NT5DC1: variants seen among roughly 807,000 people sequenced by gnomAD.
NT5DC1 encodes the protein 5'-nucleotidase domain containing 1.
A neutral mutation model predicts 59.4 loss-of-function variants in NT5DC1; 42 were observed. The observed-to-expected ratio is 0.71, with a 90% CI of 0.55 to 0.92. The LOEUF (loss-of-function observed/expected upper bound fraction) is 0.92, where lower values mean the gene tolerates loss of function less well. NT5DC1 is among the 40% of genes least tolerant of loss of function. NT5DC1 has a pLI of 0.00. For missense variants in NT5DC1, 501 were observed against 537.1 expected (o/e 0.93, Z 0.66); for synonymous variants, 172 against 188.1 (o/e 0.91, Z 0.70).
chr6:116,153,073 A>G (rs1304952832), intron 6 of NT5DC1, among the ~76,000 whole-genome samples: 1 of 152,018 alleles, frequency 6.6e-6, no homozygotes, highest in African/African-American at 2.4e-5. Flanking sequence ...AGGCTAATAT[A>G]TAACATTTAA....
At chr6:116,211,750 G>A (rs1181862751) in intron 6 of NT5DC1, among the ~76,000 whole-genome samples, 3 of 151,852 alleles carry the variant, frequency 2.0e-5, no homozygotes, top group Admixed American at 1.3e-4. Context: ...GATTTTTCTC[G>A]ACTATAACAA....
chr6:116,121,931 G>C, intron 6 of NT5DC1: 1 of 1,613,466 alleles, frequency 6.2e-7, no homozygotes, highest in Non-Finnish European at 8.5e-7. Flanking sequence ...TGGTGGACCA[G>C]GAGTACCTTG....
intron 6 of NT5DC1, among the ~76,000 whole-genome samples, chr6:116,127,862 G>A (rs930333104): frequency 3.9e-5 from 6 of 152,132 alleles, no homozygotes; most frequent in African/African-American, 9.7e-5. Context: ...ATGCCCCTGT[G>A]TATACCATTT....
At chr6:116,147,551 T>A (rs1779930003) in intron 6 of NT5DC1, among the ~76,000 whole-genome samples, 1 of 152,192 alleles carries the variant, frequency 6.6e-6, no homozygotes, top group African/African-American at 2.4e-5. Context: ...AAGTTCATTT[T>A]AAAAAGTATT....
chr6:116,193,906 A>C (rs1485625571), intron 6 of NT5DC1, among the ~76,000 whole-genome samples: 2 of 151,982 alleles, frequency 1.3e-5, no homozygotes, highest in African/African-American at 4.8e-5. Flanking sequence ...AATACAAAAA[A>C]TACAGAAAGT....
chr6:116,198,373 T>C (rs997503551), intron 6 of NT5DC1, among the ~76,000 whole-genome samples: 3 of 152,076 alleles, frequency 2.0e-5, no homozygotes, highest in Non-Finnish European at 2.9e-5. Flanking sequence ...ACTGTGCTCA[T>C]GCCCTGCTTG....
At chr6:116,127,224 G>C (rs1004583049) in intron 6 of NT5DC1, among the ~76,000 whole-genome samples, 9 of 152,122 alleles carry the variant, frequency 5.9e-5, no homozygotes, top group Admixed American at 5.9e-4. Flanking sequence ...AGTTTGACCA[G>C]TGAATGAACT....
intron 6 of NT5DC1, among the ~76,000 whole-genome samples, chr6:116,185,450 G>A (rs765491183): frequency 2.6e-5 from 4 of 152,066 alleles, no homozygotes; most frequent in Non-Finnish European, 5.9e-5. Context: ...GTCTAATGCT[G>A]TCAGTGGAGT....
chr6:116,175,100 T>A (rs900962607), intron 6 of NT5DC1, among the ~76,000 whole-genome samples: 1 of 152,186 alleles, frequency 6.6e-6, no homozygotes, highest in African/African-American at 2.4e-5. Context: ...TCTTGAGATA[T>A]AATTTATATA....
intron 6 of NT5DC1, among the ~76,000 whole-genome samples, chr6:116,205,247 G>A (rs553599018): frequency 4.5e-4 from 68 of 151,902 alleles, no homozygotes; most frequent in African/African-American, 1.6e-3. Flanking sequence ...AAAATAAGCT[G>A]GGCTGGACAA....
intron 6 of NT5DC1, among the ~76,000 whole-genome samples, chr6:116,182,299 T>C (rs1166604957): frequency 6.6e-6 from 1 of 151,716 alleles, no homozygotes; most frequent in East Asian, 1.9e-4. Flanking sequence ...TGATGAACAT[T>C]TGGGCTGGTT....
In NT5DC1 at chr6:116,120,503, G is replaced by A. The variant is rs968858992; in HGVS notation, c.529+2558G>A. On this transcript the variant is annotated intron_variant, in intron 6 of 11. Transcript: ENST00000319550. The stretch of plus-strand genomic sequence containing the variant: ...TACCCCCTGGTTGGCACTAACAAGA[G>A]GGGTCCCAGAAAGACTGGGCCTTTG... 2.5e-6 allele frequency: 4 copies of A among 1,614,100 alleles called. No homozygotes were observed. In the African/African-American group the frequency reaches 4.0e-5, roughly 16 times the overall value.
intron 6 of NT5DC1, among the ~76,000 whole-genome samples, chr6:116,181,325 A>T (rs1780868927): frequency 6.6e-6 from 1 of 152,080 alleles, no homozygotes; most frequent in Admixed American, 6.6e-5. Context: ...TCTTACAGAA[A>T]TATTAGCAAA....
At chr6:116,157,478 G>A (rs1780226038) in intron 6 of NT5DC1, among the ~76,000 whole-genome samples, 1 of 152,216 alleles carries the variant, frequency 6.6e-6, no homozygotes, top group African/African-American at 2.4e-5. Flanking sequence ...CCAAAAATCA[G>A]TGAAGTCTTA....
intron 1 of NT5DC1, among the ~76,000 whole-genome samples, chr6:116,104,049 T>G (rs1778716879): frequency 6.6e-6 from 1 of 152,144 alleles, no homozygotes; most frequent in Admixed American, 6.5e-5. Context: ...GTATTATTAT[T>G]ACTCCTGAGA....
At chr6:116,160,557 C>T (rs920647964) in intron 6 of NT5DC1, among the ~76,000 whole-genome samples, 1 of 152,064 alleles carries the variant, frequency 6.6e-6, no homozygotes, top group Non-Finnish European at 1.5e-5. Flanking sequence ...AATATTTTCT[C>T]TCATTCTGTA....
In NT5DC1 at chr6:116,120,272, T is replaced by C. The variant is rs760612048; in HGVS notation, c.529+2327T>C. The C allele has an allele frequency of 5.0e-6, 8 of 1,614,244 alleles. No individual in the cohort carries two copies. Among genetic ancestry groups the C allele is most frequent in the Non-Finnish European group, 5.9e-6 (7 of 1,180,044 alleles). ...GTACATTACAGGGGTGCCATTCTTATACAGGCCTACCCAAACATGAGTCCC... is the reference window on the plus strand; with the variant it reads ...GTACATTACAGGGGTGCCATTCTTACACAGGCCTACCCAAACATGAGTCCC... On this transcript the variant is annotated intron_variant, in intron 6 of 11. Transcript: ENST00000319550.
intron 6 of NT5DC1, among the ~76,000 whole-genome samples, chr6:116,204,582 C>T (rs769925554): frequency 2.8e-4 from 42 of 151,848 alleles, no homozygotes; most frequent in African/African-American, 9.4e-4. Flanking sequence ...AGATTAGAAA[C>T]GCAGATATGC....
intron 6 of NT5DC1, among the ~76,000 whole-genome samples, chr6:116,133,253 A>C (rs561793077): frequency 7.3e-4 from 111 of 152,324 alleles, no homozygotes; most frequent in African/African-American, 2.6e-3. Context: ...TGGCTACCCA[A>C]TGGGTTCTCA....
Sources: gnomAD v4.1 joint callset for allele counts (sites outside exome capture counted in the v4.1 genomes callset) on GRCh38, gnomAD v4.1.1 for gene constraint, MANE v1.5 for transcripts, NCBI Gene and HGNC (gene_info 2026-07-23, HGNC 2026-07-21) for gene names.